Variants in DHRSX observed in about 807,000 individuals in gnomAD.
The protein encoded by DHRSX is dehydrogenase/reductase X-linked, also known as polyprenol dehydrogenase.
In DHRSX, 31 loss-of-function variants were observed where a neutral mutation model predicts 34.0. That is an observed-to-expected ratio of 0.91 (90% CI 0.69 to 1.23). The LOEUF (loss-of-function observed/expected upper bound fraction) is 1.23. DHRSX is among the 50% of genes most tolerant of loss of function. The pLI is 0.00. For missense variants in DHRSX, 414 were observed against 428.1 expected, an observed-to-expected ratio of 0.97 and a Z score of 0.29; for synonymous variants, 201 against 183.8, an observed-to-expected ratio of 1.09 and a Z score of -0.76.
chrX:2,428,793 C>G (rs1426679023), intron 1 of DHRSX, among the ~76,000 whole-genome samples: 1 of 152,134 alleles, frequency 6.6e-6, no homozygotes, highest in African/African-American at 2.4e-5. Flanking sequence ...ACAATAAAGC[C>G]TATGCTGCTT....
intron 3 of DHRSX, among the ~76,000 whole-genome samples, chrX:2,351,197 T>C (rs937219776): frequency 1.3e-5 from 2 of 152,142 alleles, no homozygotes; most frequent in African/African-American, 4.8e-5. Flanking sequence ...CGCACACCTA[T>C]GTAACGAACC....
intron 6 of DHRSX, among the ~76,000 whole-genome samples, chrX:2,240,799 A>G (rs2016123471): frequency 6.6e-6 from 1 of 152,178 alleles, no homozygotes; most frequent in African/African-American, 2.4e-5. Context: ...TTTGTTTTGT[A>G]AACAAATTAT....
chrX:2,454,625 T>C (rs992876940), intron 1 of DHRSX, among the ~76,000 whole-genome samples: 1 of 152,016 alleles, frequency 6.6e-6, no homozygotes, highest in African/African-American at 2.4e-5. Context: ...CCAATTCTAT[T>C]AACCAATCAA....
chrX:2,286,179 C>T (rs1184298499), intron 4 of DHRSX, among the ~76,000 whole-genome samples: 1 of 152,174 alleles, frequency 6.6e-6, no homozygotes, highest in Non-Finnish European at 1.5e-5. Flanking sequence ...GAGAAAAATA[C>T]TTTGCTTCTT....
At chrX:2,306,211 A>C (rs1244048306) in intron 3 of DHRSX, among the ~76,000 whole-genome samples, 1 of 151,288 alleles carries the variant, frequency 6.6e-6, no homozygotes, top group Non-Finnish European at 1.5e-5. Flanking sequence ...TGCAATCAGC[A>C]TCTTTTTTTT....
intron 5 of DHRSX, among the ~76,000 whole-genome samples, chrX:2,243,783 T>C (rs2016200834): frequency 8.5e-6 from 1 of 117,138 alleles, no homozygotes; most frequent in African/African-American, 3.4e-5. Flanking sequence ...GCCACTATGC[T>C]CCCTGTTTTT....
chrX:2,307,789 T>TAAAAAAAAA lies in DHRSX; in HGVS notation c.287-16187_287-16186insTTTTTTTTT, dbSNP rs747096554. Among the ~76,000 whole-genome samples the TAAAAAAAAA allele has an allele frequency of 2.1e-4, 22 of 103,536 alleles. 3 individuals carry two copies. Among genetic ancestry groups the TAAAAAAAAA allele is most frequent in the Middle Eastern group, 5.7e-3 (1 of 174 alleles). The allele number at this position is 103,536 out of a possible 152,430, so 67.9% of individuals were successfully genotyped here. On this transcript the variant is annotated intron_variant, in intron 3 of 6. Transcript: ENST00000334651. Reference sequence around the variant, plus strand: ...CAAAAAAAAAAAAAAGTAATAAAAATAAAAAAAATAAAATAAAAAACAAGG... The same window carrying TAAAAAAAAA: ...CAAAAAAAAAAAAAAGTAATAAAAATAAAAAAAAAAAAAAAAATAAAATAAAAAACAAGG...
chrX:2,354,310 C>T (rs1185026066), intron 3 of DHRSX, among the ~76,000 whole-genome samples: 5 of 152,314 alleles, frequency 3.3e-5, no homozygotes, highest in South Asian at 4.1e-4. Flanking sequence ...CCGTCCACTT[C>T]GGCTGCACCA....
intron 1 of DHRSX, among the ~76,000 whole-genome samples, chrX:2,496,690 T>C (rs2045292855): frequency 6.6e-6 from 1 of 151,800 alleles, no homozygotes; most frequent in African/African-American, 2.4e-5. Context: ...AAAGGAAAAA[T>C]AGCGGGTGAT....
intron 1 of DHRSX, among the ~76,000 whole-genome samples, chrX:2,448,034 A>C (rs766276615): frequency 2.4e-4 from 36 of 152,048 alleles, no homozygotes; most frequent in Non-Finnish European, 4.9e-4. Flanking sequence ...ATCTCTAAAA[A>C]AAAAACAAAA....
intron 1 of DHRSX, among the ~76,000 whole-genome samples, chrX:2,443,564 C>A (rs1188680116): frequency 6.6e-6 from 1 of 152,088 alleles, no homozygotes; most frequent in Non-Finnish European, 1.5e-5. Context: ...AATGATGGAT[C>A]AAGCAATGAC....
intron 1 of DHRSX, among the ~76,000 whole-genome samples, chrX:2,480,993 G>C (rs1274596079): frequency 1.3e-5 from 2 of 152,082 alleles, no homozygotes; most frequent in Non-Finnish European, 2.9e-5. Context: ...GGTGATATAG[G>C]TCAGAGTTAG....
chrX:2,353,047 G>A (rs760884755), intron 3 of DHRSX, among the ~76,000 whole-genome samples: 1 of 152,198 alleles, frequency 6.6e-6, no homozygotes, highest in Admixed American at 6.5e-5. Flanking sequence ...TTTGAGACCA[G>A]CCTGGGACAA....
chrX:2,224,899 G>GCA (rs67258869), intron 6 of DHRSX, among the ~76,000 whole-genome samples: 3 of 145,100 alleles, frequency 2.1e-5, no homozygotes, highest in South Asian at 4.3e-4. Context: ...GCTCACACTC[G>GCA]CACACACACA....
At chrX:2,300,697 T>C (rs1316851485) in intron 3 of DHRSX, among the ~76,000 whole-genome samples, 2 of 152,176 alleles carry the variant, frequency 1.3e-5, no homozygotes, top group Non-Finnish European at 2.9e-5. Flanking sequence ...CTGGCTTCCT[T>C]GCTCCTCAGC....
chrX:2,274,469 T>G (rs1307361986), intron 4 of DHRSX, among the ~76,000 whole-genome samples: 2 of 151,900 alleles, frequency 1.3e-5, no homozygotes, highest in Admixed American at 6.6e-5. Context: ...CAGGCTGGAT[T>G]GCAGTGGGTT....
intron 1 of DHRSX, among the ~76,000 whole-genome samples, chrX:2,471,541 G>C (rs2044592724): frequency 6.7e-6 from 1 of 149,520 alleles, no homozygotes; most frequent in South Asian, 2.1e-4. Context: ...TGCAGCCTGG[G>C]CAACAAGAGC....
At chrX:2,347,657 G>A (rs180967427) in intron 3 of DHRSX, among the ~76,000 whole-genome samples, 3 of 152,284 alleles carry the variant, frequency 2.0e-5, no homozygotes, top group Admixed American at 1.3e-4. Flanking sequence ...TCATGCCACG[G>A]CACTCCAGCC....
intron 5 of DHRSX, among the ~76,000 whole-genome samples, chrX:2,250,186 G>C (rs2124439237): frequency 7.1e-6 from 1 of 141,044 alleles, no homozygotes; most frequent in African/African-American, 2.6e-5. Context: ...AAAAAATTAA[G>C]CATTGATTCA....
Sources: allele counts gnomAD v4.1 joint callset (sites outside exome capture counted in the v4.1 genomes callset), GRCh38; gene constraint gnomAD v4.1.1; transcripts MANE v1.5; gene names NCBI Gene and HGNC (gene_info 2026-07-23, HGNC 2026-07-21).